OSBPL1A: variants seen among roughly 807,000 people sequenced by gnomAD.
The protein encoded by OSBPL1A is oxysterol-binding protein-related protein 1.
In OSBPL1A, 80 loss-of-function variants were observed where a neutral mutation model predicts 137.1. That is an observed-to-expected ratio of 0.58 (90% confidence interval 0.49 to 0.70). The LOEUF (loss-of-function observed/expected upper bound fraction) is 0.70, where lower values mean the gene tolerates loss of function less well. OSBPL1A is among the 30% of genes least tolerant of loss of function. OSBPL1A has a pLI of 0.00. For missense variants in OSBPL1A, 970 were observed against 1,129.4 expected, an observed-to-expected ratio of 0.86 and a Z score of 2.02; for synonymous variants, 365 against 389.7, an observed-to-expected ratio of 0.94 and a Z score of 0.75.
chr18:24,326,487 A>G (rs1298577549), intron 7 of OSBPL1A, among the ~76,000 whole-genome samples: 1 of 152,210 alleles, frequency 6.6e-6, no homozygotes, highest in African/African-American at 2.4e-5. Context: ...CTCCCACTGA[A>G]ATGTAACATT....
chr18:24,244,187 C>T (rs754166453), intron 15 of OSBPL1A, among the ~76,000 whole-genome samples: 3 of 152,194 alleles, frequency 2.0e-5, no homozygotes, highest in Non-Finnish European at 2.9e-5. Context: ...GTGCCTTCTG[C>T]GCAATCTCTT....
In OSBPL1A at chr18:24,304,059, C is replaced by T. The variant is rs148164537; in HGVS notation, c.1093-341G>A. Reference sequence around the variant, plus strand: ...ATTTATTAGCACTTTTAGTAGGCCTCATGAAATTCATCAAGAAATTATAAA... The same window carrying T: ...ATTTATTAGCACTTTTAGTAGGCCTTATGAAATTCATCAAGAAATTATAAA... On this transcript the variant is annotated intron_variant, in intron 13 of 27. Transcript: ENST00000319481. Among the ~76,000 whole-genome samples, 686 of 152,114 alleles carry T rather than the reference C, an allele frequency of 4.5e-3. 2 individuals carry two copies. Among genetic ancestry groups the T allele is most frequent in the African/African-American group, 0.015 (641 of 41,518 alleles).
At chr18:24,263,391 C>T (rs983305892) in intron 15 of OSBPL1A, among the ~76,000 whole-genome samples, 6 of 152,006 alleles carry the variant, frequency 3.9e-5, no homozygotes, top group Admixed American at 2.6e-4. Context: ...AAAATGGTTA[C>T]GATGGTAAAT....
chr18:24,390,535 A>T (rs1907262584), intron 1 of OSBPL1A, among the ~76,000 whole-genome samples: 1 of 151,200 alleles, frequency 6.6e-6, no homozygotes, highest in Admixed American at 6.6e-5. Context: ...CCTCTATTAA[A>T]AATACAAAAA....
rs1567919936 is a variant in OSBPL1A, at chr18:24,175,106, A to ATATATATATATATATG, written c.2094-2624_2094-2623insCATATATATATATATA. Reference sequence around the variant, plus strand: ...CTTCATGTGCTTATTTGCCATGTGTATGTATATATATATATATATATATAT... The same window carrying ATATATATATATATATG: ...CTTCATGTGCTTATTTGCCATGTGTATATATATATATATATGTGTATATATATATATATATATATAT... On this transcript the variant is annotated intron_variant, in intron 21 of 27. Transcript: ENST00000319481. Among the ~76,000 whole-genome samples, 65 of 23,496 alleles carry ATATATATATATATATG rather than the reference A, an allele frequency of 2.8e-3. 1 individual carries two copies. The highest frequency in any genetic ancestry group is 6.5e-3 in the African/African-American group (63 of 9,646). The allele number at this position is 23,496 out of a possible 152,430, so 15.4% of individuals were successfully genotyped here.
In OSBPL1A at chr18:24,219,385, A is replaced by C. The variant is rs1443417804; in HGVS notation, c.1601+5657T>G. Among the ~76,000 whole-genome samples the C allele has an allele frequency of 2.6e-5, 4 of 152,306 alleles. No homozygotes were observed. In the East Asian group the frequency reaches 7.7e-4, roughly 29 times the overall value. On this transcript the variant is annotated intron_variant, in intron 17 of 27. Transcript: ENST00000319481. ...GTAAATGTTGAGGGTGAATGATGGGAATCAAGGGTTCATTATATTATTCTA... is the reference window on the plus strand; with the variant it reads ...GTAAATGTTGAGGGTGAATGATGGGCATCAAGGGTTCATTATATTATTCTA...
chr18:24,221,614 C>T (rs551755064), intron 17 of OSBPL1A, among the ~76,000 whole-genome samples: 4 of 152,118 alleles, frequency 2.6e-5, no homozygotes, highest in African/African-American at 4.8e-5. Flanking sequence ...ATCTAGAATT[C>T]GTATTTACAT....
At chr18:24,225,513 T>C (rs867428324) in intron 16 of OSBPL1A, among the ~76,000 whole-genome samples, 4 of 152,308 alleles carry the variant, frequency 2.6e-5, no homozygotes, top group South Asian at 4.1e-4. Context: ...AATTTCCACC[T>C]CTTTCTTCCC....
chr18:24,253,451 A>G (rs1316193349), intron 15 of OSBPL1A, among the ~76,000 whole-genome samples: 2 of 152,222 alleles, frequency 1.3e-5, no homozygotes, highest in Admixed American at 1.3e-4. Context: ...CAATGGGCTC[A>G]CCTTGCCTGC....
At chr18:24,367,045 A>T in intron 3 of OSBPL1A, 79 bp from the exon 4 acceptor site, 3 of 1,210,430 alleles carry the variant, frequency 2.5e-6, no homozygotes, top group Non-Finnish European at 3.4e-6. Flanking sequence ...TAAGGCCTTA[A>T]AAAATTAAAA....
chr18:24,371,774 C>T (rs1905658642), intron 2 of OSBPL1A, among the ~76,000 whole-genome samples: 1 of 152,154 alleles, frequency 6.6e-6, no homozygotes, highest in South Asian at 2.1e-4. Flanking sequence ...AGGTCATGAA[C>T]ACTATCTTCA....
chr18:24,380,961 A>G (rs1289522987), intron 1 of OSBPL1A, among the ~76,000 whole-genome samples: 1 of 151,970 alleles, frequency 6.6e-6, no homozygotes, highest in Non-Finnish European at 1.5e-5. Context: ...TCAAAAAAAA[A>G]AAAAAAAGAA....
At chr18:24,296,507 C>A (rs558934040) in intron 14 of OSBPL1A, among the ~76,000 whole-genome samples, 32 of 152,192 alleles carry the variant, frequency 2.1e-4, no homozygotes, top group African/African-American at 7.2e-4. Context: ...TTTCTCTTAA[C>A]TGACTGCTCT....
chr18:24,249,938 G>A lies in OSBPL1A; in HGVS notation c.1282-10556C>T, dbSNP rs112164553. On this transcript the variant is annotated intron_variant, in intron 15 of 27. Transcript: ENST00000319481. Reference sequence around the variant, plus strand: ...AAGTCACTGGCCAAGGTGGCTAAAGGAGTGATTGCACCATCCCTCCCCCAA... The same window carrying A: ...AAGTCACTGGCCAAGGTGGCTAAAGAAGTGATTGCACCATCCCTCCCCCAA... Among the ~76,000 whole-genome samples, 485 of 152,180 alleles carry A rather than the reference G, an allele frequency of 3.2e-3. 4 individuals carry two copies. The highest frequency in any genetic ancestry group is 0.011 in the African/African-American group (474 of 41,522).
intron 15 of OSBPL1A, among the ~76,000 whole-genome samples, chr18:24,263,880 G>A (rs1434494880): frequency 1.3e-5 from 2 of 152,020 alleles, no homozygotes; most frequent in Admixed American, 6.6e-5. Context: ...CAAGCTATCC[G>A]CCCACCTCTG....
chr18:24,356,993 C>G (rs1386917655), intron 4 of OSBPL1A: 1 of 152,158 alleles, frequency 6.6e-6, no homozygotes, highest in Non-Finnish European at 1.5e-5. Flanking sequence ...AAATCAAAGA[C>G]AGTTTGGATT....
chr18:24,218,691 C>T (rs577216667), intron 17 of OSBPL1A, among the ~76,000 whole-genome samples: 2 of 152,198 alleles, frequency 1.3e-5, no homozygotes, highest in African/African-American at 4.8e-5. Flanking sequence ...GGTGATCCAC[C>T]CACCTCGGTC....
chr18:24,194,424 G>T (rs879665576), intron 18 of OSBPL1A, among the ~76,000 whole-genome samples: 1 of 152,040 alleles, frequency 6.6e-6, no homozygotes, highest in Non-Finnish European at 1.5e-5. Context: ...ATACATATTT[G>T]CATACTGGAT....
At position 24,374,148 on chromosome 18, in the gene OSBPL1A, T is replaced by A. The variant is rs190912001; in HGVS notation, c.121+3265A>T. Among the ~76,000 whole-genome samples, 7 of 152,296 alleles carry A rather than the reference T, an allele frequency of 4.6e-5. No individual in the cohort carries two copies. In the East Asian group the frequency reaches 1.4e-3, roughly 29 times the overall value. On this transcript the variant is annotated intron_variant, in intron 2 of 27. Transcript: ENST00000319481. Reference sequence around the variant, plus strand: ...GGGGAAATTTTATACATTTTTTTATTTTTTAAATATTTTTTCCTCAGATCA... The same window carrying A: ...GGGGAAATTTTATACATTTTTTTATATTTTAAATATTTTTTCCTCAGATCA...
Sources: gnomAD v4.1 joint callset for allele counts (sites outside exome capture counted in the v4.1 genomes callset) on GRCh38, gnomAD v4.1.1 for gene constraint, MANE v1.5 for transcripts, NCBI Gene and HGNC (gene_info 2026-07-23, HGNC 2026-07-21) for gene names.